BBX: variants seen among roughly 807,000 people sequenced by gnomAD.
BBX encodes the protein HMG box transcription factor BBX.
In BBX, 30 loss-of-function variants were observed where a neutral mutation model predicts 100.2. The observed-to-expected ratio is 0.30, with a 90% CI of 0.22 to 0.41. The LOEUF (loss-of-function observed/expected upper bound fraction) is 0.41. BBX is among the 10% of genes least tolerant of loss of function. The pLI, the probability that BBX is intolerant of heterozygous loss-of-function variation, is 1.00. For synonymous variants in BBX, 376 were observed against 388.1 expected, an observed-to-expected ratio of 0.97 and a Z score of 0.37; for missense variants, 1,023 against 1,129.8, an observed-to-expected ratio of 0.91 and a Z score of 1.35.
chr3:107,625,703 G>A (rs2056116879), intron 2 of BBX, among the ~76,000 whole-genome samples: 2 of 151,954 alleles, frequency 1.3e-5, no homozygotes, highest in East Asian at 1.9e-4. Flanking sequence ...ATTTGTTCTG[G>A]CCTTTTGGAC....
At chr3:107,544,404 C>CCCT (rs1348890199) in intron 2 of BBX, among the ~76,000 whole-genome samples, 3 of 152,126 alleles carry the variant, frequency 2.0e-5, no homozygotes, top group Admixed American at 2.0e-4. Context: ...GGTTCTAGAA[C>CCCT]ATAGCATGAC....
chr3:107,789,945 G>T (rs1384604542), intron 14 of BBX, 69 bp downstream of exon 14: 1 of 1,261,418 alleles, frequency 7.9e-7, no homozygotes, highest in Non-Finnish European at 1.1e-6. Context: ...TTTGAGTAAT[G>T]CTCCCATGCA....
intron 2 of BBX, among the ~76,000 whole-genome samples, chr3:107,603,326 A>G (rs761488650): frequency 7.2e-5 from 11 of 152,100 alleles, no homozygotes; most frequent in Non-Finnish European, 1.2e-4. Context: ...GTACAGATCC[A>G]TCTTTTGTGA....
intron 3 of BBX, among the ~76,000 whole-genome samples, chr3:107,690,567 C>T (rs1459385153): frequency 6.6e-6 from 1 of 152,060 alleles, no homozygotes; most frequent in Non-Finnish European, 1.5e-5. Context: ...AACACAATGC[C>T]TTAATGATAT....
chr3:107,579,849 A>G (rs576137271), intron 2 of BBX, among the ~76,000 whole-genome samples: 1 of 152,300 alleles, frequency 6.6e-6, no homozygotes, highest in South Asian at 2.1e-4. Flanking sequence ...GTCTTGTGGG[A>G]ACATTAGAAA....
chr3:107,761,074 C>A (rs576747774), intron 10 of BBX, among the ~76,000 whole-genome samples: 1 of 152,142 alleles, frequency 6.6e-6, no homozygotes, highest in African/African-American at 2.4e-5. Context: ...TGCCATTATC[C>A]GCTTAAATTT....
At chr3:107,717,720 G>T (rs957614953) in intron 5 of BBX, among the ~76,000 whole-genome samples, 1 of 152,072 alleles carries the variant, frequency 6.6e-6, no homozygotes, top group Non-Finnish European at 1.5e-5. Context: ...TTGTATCATG[G>T]TTCTTTTACT....
chr3:107,647,641 TAGA>T (rs2057598262), intron 3 of BBX, among the ~76,000 whole-genome samples: 1 of 152,204 alleles, frequency 6.6e-6, no homozygotes, highest in South Asian at 2.1e-4. Context: ...AAACAAATCC[TAGA>T]AGATGTTACT....
intron 2 of BBX, among the ~76,000 whole-genome samples, chr3:107,644,960 C>T (rs143267887): frequency 8.3e-4 from 127 of 152,170 alleles, no homozygotes; most frequent in African/African-American, 2.8e-3. Context: ...TAAGCTAAGC[C>T]ATAAAATGAC....
chr3:107,619,359 C>G (rs1238005368), intron 2 of BBX, among the ~76,000 whole-genome samples: 1 of 151,806 alleles, frequency 6.6e-6, no homozygotes, highest in African/African-American at 2.4e-5. Context: ...GTGCATAACC[C>G]CATAACCCCT....
intron 3 of BBX, among the ~76,000 whole-genome samples, chr3:107,702,072 G>C (rs1397347024): frequency 6.6e-6 from 1 of 152,206 alleles, no homozygotes; most frequent in African/African-American, 2.4e-5. Context: ...AAGCACTTAG[G>C]ACCAACCTGA....
intron 2 of BBX, among the ~76,000 whole-genome samples, chr3:107,574,559 T>G (rs2051630406): frequency 6.6e-6 from 1 of 152,146 alleles, no homozygotes; most frequent in African/African-American, 2.4e-5. Flanking sequence ...TAATAAACAC[T>G]CAATTCGTTG....
At chr3:107,711,930 G>A (rs920670013) in intron 4 of BBX, among the ~76,000 whole-genome samples, 4 of 151,792 alleles carry the variant, frequency 2.6e-5, no homozygotes, top group African/African-American at 9.7e-5. Flanking sequence ...ATAGTACAGT[G>A]GCACCATTTC....
At chr3:107,797,487 A>G (rs921644015) in intron 15 of BBX, among the ~76,000 whole-genome samples, 4 of 151,270 alleles carry the variant, frequency 2.6e-5, no homozygotes, top group African/African-American at 9.7e-5. Context: ...AATAATTTCT[A>G]TGTCTATCCT....
chr3:107,769,239 T>C (rs565992075), intron 10 of BBX, among the ~76,000 whole-genome samples: 132 of 141,006 alleles, frequency 9.4e-4, no homozygotes, highest in African/African-American at 3.8e-3. Context: ...GACAGATAGA[T>C]AGGATAGATA....
At chr3:107,635,213 CT>C (rs1212996900) in intron 2 of BBX, among the ~76,000 whole-genome samples, 1 of 152,132 alleles carries the variant, frequency 6.6e-6, no homozygotes, top group African/African-American at 2.4e-5. Flanking sequence ...ATATAGTTTA[CT>C]TTAACTCCTC....
chr3:107,774,637 G>C, intron 11 of BBX, 82 bp from the exon 12 acceptor site: 1 of 1,428,952 alleles, frequency 7.0e-7, no homozygotes, highest in Non-Finnish European at 9.5e-7. Context: ...AAGCAGTCAA[G>C]AGGTTGCTCG....
intron 2 of BBX, among the ~76,000 whole-genome samples, chr3:107,604,000 C>G (rs1316013678): frequency 6.6e-6 from 1 of 152,078 alleles, no homozygotes; most frequent in East Asian, 1.9e-4. Context: ...TGGAACTGAA[C>G]CCATAGTATC....
At chr3:107,796,410 T>C (rs889679242) in intron 15 of BBX, among the ~76,000 whole-genome samples, 1 of 152,182 alleles carries the variant, frequency 6.6e-6, no homozygotes, top group African/African-American at 2.4e-5. Context: ...GAAGGGGAAG[T>C]AGAAAAGGGA....
Sources: allele counts gnomAD v4.1 joint callset (sites outside exome capture counted in the v4.1 genomes callset), GRCh38; gene constraint gnomAD v4.1.1; transcripts MANE v1.5; gene names NCBI Gene and HGNC (gene_info 2026-07-23, HGNC 2026-07-21).